Variants in TTLL9 observed in about 807,000 individuals in gnomAD.
TTLL9 encodes the protein probable tubulin polyglutamylase TTLL9.
TTLL9 carries 47 observed loss-of-function variants against 65.6 expected under a neutral mutation model. The ratio of observed to expected loss-of-function variants is 0.72; its 90% CI spans 0.57 to 0.91. TTLL9 has a LOEUF of 0.91. TTLL9 is among the 40% of genes least tolerant of loss of function. The pLI is 0.00. For missense variants in TTLL9, 537 were observed against 568.8 expected (o/e 0.94, Z 0.57); for synonymous variants, 179 against 204.8 (o/e 0.87, Z 1.07).
At chr20:31,926,779 AC>A (rs1315062188) in intron 10 of TTLL9, among the ~76,000 whole-genome samples, 1 of 152,192 alleles carries the variant, frequency 6.6e-6, no homozygotes, top group African/African-American at 2.4e-5. Context: ...CATGTCTAGA[AC>A]AGTGTTTGAA....
At chr20:31,889,979 T>TTTC (rs2123427685) in intron 3 of TTLL9, among the ~76,000 whole-genome samples, 1 of 60,774 alleles carries the variant, frequency 1.6e-5, no homozygotes, top group South Asian at 5.1e-4. Flanking sequence ...TCTCTCTTTC[T>TTTC]TTCTTTCTTT....
intron 3 of TTLL9, among the ~76,000 whole-genome samples, chr20:31,895,942 C>T (rs1201698149): frequency 1.3e-5 from 2 of 151,960 alleles, no homozygotes; most frequent in African/African-American, 2.4e-5. Context: ...CGGGTTCAAG[C>T]GATTCTCCTG....
intron 3 of TTLL9, among the ~76,000 whole-genome samples, chr20:31,896,091 C>T (rs2063383520): frequency 6.6e-6 from 1 of 152,196 alleles, no homozygotes; most frequent in Non-Finnish European, 1.5e-5. Flanking sequence ...CTGCCTGCCT[C>T]AGCCTCCCAG....
At chr20:31,916,616 C>T (rs147986491) in intron 6 of TTLL9, among the ~76,000 whole-genome samples, 1 of 152,266 alleles carries the variant, frequency 6.6e-6, no homozygotes, top group Non-Finnish European at 1.5e-5. Context: ...CTAGATGATG[C>T]CACTAGAGGC....
intron 2 of TTLL9, among the ~76,000 whole-genome samples, chr20:31,877,328 G>A (rs1164720213): frequency 2.0e-5 from 3 of 152,166 alleles, no homozygotes; most frequent in Admixed American, 2.0e-4. Flanking sequence ...TAGTAGAGAC[G>A]GGGTTTCACC....
intron 8 of TTLL9, among the ~76,000 whole-genome samples, chr20:31,923,579 A>G (rs2063847525): frequency 6.6e-6 from 1 of 152,084 alleles, no homozygotes; most frequent in African/African-American, 2.4e-5. Context: ...ATTTGGAGGG[A>G]GAGAAATGCA....
chr20:31,906,402 G>A (rs889442983), intron 4 of TTLL9, among the ~76,000 whole-genome samples: 8 of 152,204 alleles, frequency 5.3e-5, no homozygotes, highest in African/African-American at 1.7e-4. Flanking sequence ...TTCTCCTTGC[G>A]GCCTCACGGC....
At chr20:31,879,294 C>T (rs955978983) in intron 2 of TTLL9, among the ~76,000 whole-genome samples, 41 of 152,318 alleles carry the variant, frequency 2.7e-4, no homozygotes, top group Non-Finnish European at 2.4e-4. Flanking sequence ...GCACTCCAAC[C>T]TGGGCGACAC....
chr20:31,886,885 C>T (rs1310398800), intron 2 of TTLL9, among the ~76,000 whole-genome samples: 1 of 152,188 alleles, frequency 6.6e-6, no homozygotes, highest in Admixed American at 6.5e-5. Flanking sequence ...GCTTTCAAAA[C>T]TGGGGTTCAG....
chr20:31,890,150 C>CTTTCTTTCTTTCT (rs1300422017), intron 3 of TTLL9, among the ~76,000 whole-genome samples: 60 of 16,652 alleles, frequency 3.6e-3, no homozygotes, highest in Non-Finnish European at 4.1e-3. Flanking sequence ...TCCTTCCTTC[C>CTTTCTTTCTTTCT]TTCCTTCTTT....
intron 8 of TTLL9, 132 bp from the exon 9 acceptor site, chr20:31,924,877 C>T (rs55687083): frequency 0.029 from 28,536 of 993,666 alleles, 798 homozygotes; most frequent in Admixed American, 0.12. Flanking sequence ...GCGCCTAGCC[C>T]CTTGTGTAGT....
At chr20:31,921,026 A>G (rs1274857487) in intron 7 of TTLL9, among the ~76,000 whole-genome samples, 1 of 152,204 alleles carries the variant, frequency 6.6e-6, no homozygotes, top group Non-Finnish European at 1.5e-5. Flanking sequence ...TCGGGGGCCC[A>G]TGGGTGGTGT....
rs2064260192 is a variant in TTLL9 at position 31,943,588 on chromosome 20, C to G, written c.*567C>G. 3 of 370,824 alleles carry G rather than the reference C, an allele frequency of 8.1e-6. No homozygotes were observed. Among genetic ancestry groups the G allele is most frequent in the South Asian group, 6.0e-5 (3 of 49,830 alleles). The allele number at this position is 370,824 out of a possible 1,614,324, so 23.0% of individuals were successfully genotyped here. On this transcript the variant is annotated 3_prime_UTR_variant, in exon 15 of 15. Transcript: ENST00000535842. The stretch of plus-strand genomic sequence containing the variant: ...AAGTACTGAGCCCTAAACACATCCT[C>G]TTCTCCTTGCATGTCAGGGGAGCCC...
Position 31,933,873 on chromosome 20 carries a change from C to G in TTLL9, c.807+15C>G. 6.2e-7 allele frequency: 1 copy of G among 1,612,686 alleles called. No individual in the cohort carries two copies. The highest frequency in any genetic ancestry group is 2.2e-5 in the East Asian group (1 of 44,826). On this transcript the variant is annotated intron_variant, in intron 11 of 14. Transcript: ENST00000535842. ...ACCCAAAGAAGGTGAGGAAGCCGGG[C>G]TCGGCTATGCACGGGTACAGCCCTC...
rs567442411 is a variant in TTLL9 at position 31,921,765 on chromosome 20, T to C, written c.574-1198T>C. On this transcript the variant is annotated intron_variant, in intron 7 of 14. Transcript: ENST00000535842. Reference sequence around the variant, plus strand: ...GCATGTTCTCACTCATAGGTGGGAATTGAACAATGAGAACACTTGGACACA... The same window carrying C: ...GCATGTTCTCACTCATAGGTGGGAACTGAACAATGAGAACACTTGGACACA... Among the ~76,000 whole-genome samples, 21 of 152,014 alleles carry C rather than the reference T, an allele frequency of 1.4e-4. No homozygotes were observed. In the East Asian group the frequency reaches 3.5e-3, roughly 25 times the overall value.
intron 3 of TTLL9, among the ~76,000 whole-genome samples, chr20:31,895,982 G>A (rs1281278242): frequency 1.3e-5 from 2 of 152,156 alleles, no homozygotes; most frequent in Non-Finnish European, 2.9e-5. Context: ...TGGGATTACA[G>A]GCACCAGCCA....
intron 2 of TTLL9, among the ~76,000 whole-genome samples, chr20:31,871,664 G>A (rs1201975191): frequency 6.6e-6 from 1 of 151,998 alleles, no homozygotes; most frequent in Non-Finnish European, 1.5e-5. Flanking sequence ...GGGGCTGCCC[G>A]TCTCAGCTCT....
intron 3 of TTLL9, among the ~76,000 whole-genome samples, chr20:31,897,355 G>A (rs2063402602): frequency 2.0e-5 from 3 of 152,106 alleles, no homozygotes; most frequent in South Asian, 4.1e-4. Flanking sequence ...TGATACCTGC[G>A]GGCTCCATAG....
intron 5 of TTLL9, among the ~76,000 whole-genome samples, chr20:31,908,989 A>G (rs75423913): frequency 6.6e-6 from 1 of 151,986 alleles, no homozygotes; most frequent in Non-Finnish European, 1.5e-5. Context: ...ATGAATGATT[A>G]TGGTGATTTC....
Sources: gnomAD v4.1 joint callset for allele counts (sites outside exome capture counted in the v4.1 genomes callset) on GRCh38, gnomAD v4.1.1 for gene constraint, MANE v1.5 for transcripts, NCBI Gene and HGNC (gene_info 2026-07-23, HGNC 2026-07-21) for gene names.